KALRN: variants seen among roughly 807,000 people sequenced by gnomAD.
The protein encoded by KALRN is kalirin RhoGEF kinase.
KALRN carries 70 observed loss-of-function variants against 353.7 expected under a neutral mutation model. The observed-to-expected ratio is 0.20, with a 90% CI of 0.16 to 0.24. KALRN has a LOEUF of 0.24. KALRN is among the 10% of genes least tolerant of loss of function. KALRN has a pLI of 1.00. For missense variants in KALRN, 2,791 were observed against 3,756.7 expected, an observed-to-expected ratio of 0.74 and a Z score of 6.72; for synonymous variants, 1,391 against 1,434.8, an observed-to-expected ratio of 0.97 and a Z score of 0.69.
At chr3:124,448,991 G>A (rs9880231) in intron 21 of KALRN, among the ~76,000 whole-genome samples, 4,029 of 152,248 alleles carry the variant, frequency 0.026, 188 homozygotes, top group African/African-American at 0.09. Flanking sequence ...TAACTATCAT[G>A]TTCCAAATCT....
chr3:124,711,357 GA>G (rs1229178146), intron 57 of KALRN, among the ~76,000 whole-genome samples: 1 of 152,000 alleles, frequency 6.6e-6, no homozygotes, highest in Admixed American at 6.6e-5. Flanking sequence ...TATATGATGA[GA>G]AAAAAAGTAT....
Position 124,684,218 on chromosome 3 carries a change from G to A in KALRN, c.7377+4701G>A, listed in dbSNP as rs530136936. Among the ~76,000 whole-genome samples the A allele has an allele frequency of 3.3e-5, 5 of 152,154 alleles. No individual in the cohort carries two copies. In the East Asian group the frequency reaches 9.7e-4, roughly 29 times the overall value. On this transcript the variant is annotated intron_variant, in intron 51 of 59. Coordinates refer to ENST00000682506, the MANE Select transcript of KALRN (RefSeq NM_001388419.1). ...AACTGGAAGGTGCTCTAGTTTCTGA[G>A]GCAGCTTCTGGTTTTTCTGCTTGCT... is the stretch of plus-strand genomic sequence containing the variant.
At chr3:124,481,971 A>AT (rs1166993358) in intron 27 of KALRN, among the ~76,000 whole-genome samples, 1 of 152,200 alleles carries the variant, frequency 6.6e-6, no homozygotes, top group East Asian at 1.9e-4. Context: ...GAGGGAGAAA[A>AT]ATATACCTTT....
chr3:124,136,978 G>T (rs76077521), intron 1 of KALRN, among the ~76,000 whole-genome samples: 1 of 152,198 alleles, frequency 6.6e-6, no homozygotes, highest in East Asian at 1.9e-4. Flanking sequence ...AGGGAACAGG[G>T]TTGATGGGGC....
intron 10 of KALRN, among the ~76,000 whole-genome samples, chr3:124,363,121 T>A (rs936642001): frequency 2.6e-5 from 4 of 152,134 alleles, no homozygotes; most frequent in Non-Finnish European, 4.4e-5. Context: ...TTTAAAAAAA[T>A]TATAGTATAA....
chr3:124,202,362 C>T (rs2076019466), intron 1 of KALRN, among the ~76,000 whole-genome samples: 1 of 152,070 alleles, frequency 6.6e-6, no homozygotes, highest in Non-Finnish European at 1.5e-5. Flanking sequence ...GCGATTTTCC[C>T]ACCTCACCCT....
rs547319300 is a variant in KALRN, at chr3:124,456,745, G to A, written c.3854+17G>A. 104 of 1,576,604 alleles carry A rather than the reference G, an allele frequency of 6.6e-5. No homozygotes were observed. The South Asian group carries it at 7.1e-4, about 11-fold the overall frequency. On this transcript the variant is annotated intron_variant, in intron 23 of 59. Coordinates refer to ENST00000682506, the MANE Select transcript of KALRN (RefSeq NM_001388419.1). ...GAAGAAAGAGTACGTGTTGGCTTCC[G>A]CCCAGCTAGCTGGCTCCCCGTGACT...
chr3:124,491,254 C>A, intron 30 of KALRN, 69 bp from the exon 31 acceptor site: 1 of 1,088,488 alleles, frequency 9.2e-7, no homozygotes, highest in Non-Finnish European at 1.3e-6. Context: ...CTTTCCCTTC[C>A]CACCCCAGCC....
Position 124,490,624 on chromosome 3 carries a change from G to T in KALRN, c.4397-70G>T, listed in dbSNP as rs181748653. The T allele has an allele frequency of 6.8e-5, 97 of 1,430,492 alleles. No homozygotes were observed. The African/African-American group carries it at 9.5e-4, about 14-fold the overall frequency. 88.6% of individuals were successfully genotyped at this position (1,430,492 alleles called of 1,614,324 possible). Reference sequence around the variant, plus strand: ...AATAAGAGAGGCCTTTCTCCAAGAGGGGGGTGGAACATGGCCCCCTGACTG... The same window carrying T: ...AATAAGAGAGGCCTTTCTCCAAGAGTGGGGTGGAACATGGCCCCCTGACTG... On this transcript the variant is annotated intron_variant, in intron 29 of 59. Transcript: ENST00000682506.
intron 1 of KALRN, among the ~76,000 whole-genome samples, chr3:124,194,259 A>G (rs1205023018): frequency 6.6e-6 from 1 of 152,228 alleles, no homozygotes; most frequent in African/African-American, 2.4e-5. Flanking sequence ...ACTTGTCCCC[A>G]AAAGTCTCTT....
intron 10 of KALRN, among the ~76,000 whole-genome samples, chr3:124,354,539 C>T (rs1352161796): frequency 6.6e-6 from 1 of 152,148 alleles, no homozygotes; most frequent in African/African-American, 2.4e-5. Flanking sequence ...TCAGATATAT[C>T]AGGCTTTACA....
intron 34 of KALRN, among the ~76,000 whole-genome samples, chr3:124,606,284 G>A (rs906957918): frequency 2.0e-5 from 3 of 152,146 alleles, no homozygotes; most frequent in African/African-American, 4.8e-5. Flanking sequence ...TACTTAGACT[G>A]GAGTGTCTCC....
At position 124,650,812 on chromosome 3, in the gene KALRN, T is replaced by A. The variant is rs780489184; in HGVS notation, c.5669T>A (p.Leu1890Gln). The change falls in exon 38 of 60, where the codon CTA (leucine) becomes CAA (glutamine). Residue 1890 changes from leucine (L) to glutamine (Q), a missense_variant. Coordinates refer to ENST00000682506, the MANE Select transcript of KALRN (RefSeq NM_001388419.1). The part of the protein sequence containing the change: ...IEKLVKNKLS[L>Q]EGSSYRGSLK... ...CCTGTTTTTCTCTCTTTTCAGAGTCTAGAAGGAAGCTCATACCGGGGGAGC... is the reference window on the plus strand; with the variant it reads ...CCTGTTTTTCTCTCTTTTCAGAGTCAAGAAGGAAGCTCATACCGGGGGAGC... 6.2e-6 allele frequency: 10 copies of A among 1,613,386 alleles called. No homozygotes were observed. Among genetic ancestry groups the A allele is most frequent in the Admixed American group, 1.7e-5 (1 of 59,998 alleles).
intron 32 of KALRN, among the ~76,000 whole-genome samples, chr3:124,493,107 G>C (rs373362187): frequency 2.6e-4 from 39 of 152,144 alleles, no homozygotes; most frequent in African/African-American, 9.4e-4. Context: ...ACTCTGCTAG[G>C]TTCTACAAGA....
intron 19 of KALRN, among the ~76,000 whole-genome samples, chr3:124,445,942 A>G (rs1185493477): frequency 1.3e-5 from 2 of 152,222 alleles, no homozygotes; most frequent in African/African-American, 2.4e-5. Context: ...TGGAACTCTC[A>G]TCAATGGGCT....
intron 46 of KALRN, 80 bp downstream of exon 46, chr3:124,666,714 A>G: frequency 8.6e-7 from 1 of 1,161,896 alleles, no homozygotes; most frequent in Non-Finnish European, 1.3e-6. Flanking sequence ...GAGGCCCTGG[A>G]GTTGTGACAT....
chr3:124,350,509 A>T (rs1047512413), intron 10 of KALRN, among the ~76,000 whole-genome samples: 1 of 152,192 alleles, frequency 6.6e-6, no homozygotes, highest in Non-Finnish European at 1.5e-5. Context: ...TGGATTCCAC[A>T]GTCATGTTCT....
intron 21 of KALRN, among the ~76,000 whole-genome samples, chr3:124,448,953 C>T (rs1025338419): frequency 6.6e-6 from 1 of 152,182 alleles, no homozygotes; most frequent in South Asian, 2.1e-4. Flanking sequence ...TCTACTTTGG[C>T]TGTCTATGTT....
At chr3:124,668,305 A>C (rs11706499) in intron 47 of KALRN, among the ~76,000 whole-genome samples, 4,246 of 152,344 alleles carry the variant, frequency 0.028, 80 homozygotes, top group East Asian at 0.079. Context: ...ATGGAACTGA[A>C]TGCTGAAGGG....
Sources: gnomAD v4.1 joint callset for allele counts (sites outside exome capture counted in the v4.1 genomes callset) on GRCh38, gnomAD v4.1.1 for gene constraint, MANE v1.5 for transcripts, NCBI Gene and HGNC (gene_info 2026-07-23, HGNC 2026-07-21) for gene names.